Variants in BRWD1 observed in about 807,000 individuals in gnomAD.
The protein encoded by BRWD1 is bromodomain and WD repeat-containing protein 1.
In BRWD1, 82 loss-of-function variants were observed where a neutral mutation model predicts 251.2. That is an observed-to-expected ratio of 0.33 (90% CI 0.27 to 0.39). The LOEUF (loss-of-function observed/expected upper bound fraction) is 0.39. Among genes scored for constraint, BRWD1 ranks in the 10% least tolerant of loss-of-function variants. The probability of loss-of-function intolerance (pLI) is 1.00; values close to 1 mark genes in which losing one functional copy is unlikely to be tolerated. For missense variants in BRWD1, 2,233 were observed against 2,711.6 expected, an observed-to-expected ratio of 0.82 and a Z score of 3.92; for synonymous variants, 918 against 902.8, an observed-to-expected ratio of 1.02 and a Z score of -0.30.
In BRWD1 at chr21:39,189,950, A is replaced by G. The variant is rs886841264; in HGVS notation, c.*6309T>C. 5 of 985,254 alleles carry G rather than the reference A, an allele frequency of 5.1e-6. No individual in the cohort carries two copies. In the Admixed American group the frequency reaches 3.1e-4, roughly 61 times the overall value. 61.0% of individuals were successfully genotyped at this position (985,254 alleles called of 1,614,324 possible). A position where few individuals can be genotyped will look rare whatever the true frequency, so the allele number is the denominator to read the frequency against. Reference sequence around the variant, plus strand: ...GCCTCAGATGAGTCTTGTTTCAGTCATGGGTTTACAAAGTCATTGAGTGCT... The same window carrying G: ...GCCTCAGATGAGTCTTGTTTCAGTCGTGGGTTTACAAAGTCATTGAGTGCT... On this transcript the variant is annotated 3_prime_UTR_variant, in exon 41 of 41. Coordinates refer to ENST00000342449, the MANE Select transcript of BRWD1 (RefSeq NM_033656.4).
intron 21 of BRWD1, among the ~76,000 whole-genome samples, chr21:39,244,292 C>T (rs191290936): frequency 4.6e-5 from 7 of 152,094 alleles, no homozygotes; most frequent in African/African-American, 1.4e-4. Context: ...TCTTGATCTC[C>T]TGCCCTTGTG....
intron 37 of BRWD1, among the ~76,000 whole-genome samples, chr21:39,204,857 C>A (rs1449268551): frequency 6.6e-6 from 1 of 152,174 alleles, no homozygotes; most frequent in Non-Finnish European, 1.5e-5. Flanking sequence ...CCCCACGGAT[C>A]TGACAGCAGA....
chr21:39,266,940 T>C (rs1221298686), intron 15 of BRWD1, among the ~76,000 whole-genome samples: 1 of 152,212 alleles, frequency 6.6e-6, no homozygotes, highest in African/African-American at 2.4e-5. Flanking sequence ...GTTTTTCCGC[T>C]TATATTCTGC....
At chr21:39,228,298 C>T (rs1231576714) in intron 27 of BRWD1, among the ~76,000 whole-genome samples, 6 of 151,978 alleles carry the variant, frequency 3.9e-5, no homozygotes, top group African/African-American at 1.2e-4. Flanking sequence ...CCATGCCCAC[C>T]GTCCCCCGGC....
chr21:39,212,427 G>T lies in BRWD1; in HGVS notation c.3900+239C>A, dbSNP rs534748926. Reference sequence around the variant, plus strand: ...CATGCCATATTTCTCTACTTTTTTTGTCTTTCCTGTGGTAGCCTCTATTTT... The same window carrying T: ...CATGCCATATTTCTCTACTTTTTTTTTCTTTCCTGTGGTAGCCTCTATTTT... On this transcript the variant is annotated intron_variant, in intron 34 of 40. Transcript: ENST00000342449. Among the ~76,000 whole-genome samples the T allele has an allele frequency of 2.0e-5, 3 of 151,872 alleles. No homozygotes were observed. In the South Asian group the frequency reaches 6.3e-4, roughly 32 times the overall value.
Position 39,247,815 on chromosome 21 carries a change from C to G in BRWD1, c.2367G>C (p.Leu789Phe). 6.2e-7 allele frequency: 1 copy of G among 1,602,600 alleles called. No individual in the cohort carries two copies. The change falls in exon 21 of 41, where the codon TTG (leucine) becomes TTC (phenylalanine). Residue 789 changes from leucine to phenylalanine, a missense_variant. Around this residue, in one of 12 missense-constraint regions of BRWD1, gnomAD observed 214 missense variants for 222.0 expected, o/e 0.96. Transcript: ENST00000342449. The part of the protein sequence containing the change: ...QLSHKSDSVV[L>F]VSQSRQRTCR... The stretch of plus-strand genomic sequence containing the variant: ...ATGTCCTTTGTCTAGACTGTGATAC[C>G]AAAACCACTGAATCCGACTGAAACA...
chr21:39,283,831 T>C (rs1399647986), intron 8 of BRWD1, among the ~76,000 whole-genome samples: 1 of 152,214 alleles, frequency 6.6e-6, no homozygotes, highest in Non-Finnish European at 1.5e-5. Context: ...GACTATAATA[T>C]GTATTTCTGG....
chr21:39,285,175 G>C (rs777262766), intron 8 of BRWD1, among the ~76,000 whole-genome samples: 2 of 152,142 alleles, frequency 1.3e-5, no homozygotes, highest in Admixed American at 1.3e-4. Context: ...CGTCGTTTGT[G>C]GTAATATGGA....
intron 5 of BRWD1, chr21:39,296,655 G>T: frequency 1.1e-6 from 1 of 906,654 alleles, no homozygotes; most frequent in Non-Finnish European, 1.3e-6. Flanking sequence ...TGTGAGGTAG[G>T]TATTTTTGCC....
chr21:39,199,445 A>T lies in BRWD1; in HGVS notation c.4971T>A (p.Ser1657=). 3 of 1,614,224 alleles carry T rather than the reference A, an allele frequency of 1.9e-6. No homozygotes were observed. Among genetic ancestry groups the T allele is most frequent in the South Asian group, 1.1e-5 (1 of 91,088 alleles). ...CATTGCGGTGAGGCAGCTTCCGACC[A>T]GAACAGACACTTTCAGAGCTAGAAT... ...EENSSSESVC[S]GRKLPHRNAS... is the part of the protein sequence containing the mutation. The change falls in exon 40 of 41, where the codon TCT becomes TCA. Residue 1657 remains serine, a synonymous_variant. Coordinates refer to ENST00000342449, the MANE Select transcript of BRWD1 (RefSeq NM_033656.4).
At chr21:39,282,351 T>C (rs1380162730) in intron 8 of BRWD1, among the ~76,000 whole-genome samples, 2 of 152,142 alleles carry the variant, frequency 1.3e-5, no homozygotes, top group South Asian at 2.1e-4. Flanking sequence ...GAAGAAATTA[T>C]GGATTTTTTT....
intron 36 of BRWD1, among the ~76,000 whole-genome samples, chr21:39,208,438 T>C (rs938034180): frequency 1.3e-5 from 2 of 152,226 alleles, no homozygotes; most frequent in Non-Finnish European, 2.9e-5. Flanking sequence ...AGTCTAATAT[T>C]AAGTAATGAC....
intron 21 of BRWD1, among the ~76,000 whole-genome samples, chr21:39,245,009 T>C (rs979178505): frequency 4.1e-5 from 6 of 147,192 alleles, no homozygotes; most frequent in Admixed American, 3.5e-4. Flanking sequence ...AATAATTATT[T>C]CCTATTATAT....
intron 8 of BRWD1, among the ~76,000 whole-genome samples, chr21:39,286,672 G>A (rs1601464713): frequency 6.6e-6 from 1 of 151,984 alleles, no homozygotes; most frequent in South Asian, 2.1e-4. Flanking sequence ...CCGCCACCAT[G>A]CCCGGCTAAT....
chr21:39,258,467 C>T lies in BRWD1; in HGVS notation c.2071+20G>A, dbSNP rs757744704. On this transcript the variant is annotated intron_variant, in intron 18 of 40. Transcript: ENST00000342449. ...TCAATGCAGCCATATTCAGGTAAAA[C>T]ATTTATCACTATTTATTACCTCTCC... The T allele has an allele frequency of 1.2e-5, 19 of 1,544,792 alleles. No individual in the cohort carries two copies. The highest frequency in any genetic ancestry group is 8.7e-5 in the South Asian group (7 of 80,190).
At chr21:39,256,302 T>C (rs2034560795) in intron 18 of BRWD1, among the ~76,000 whole-genome samples, 1 of 152,210 alleles carries the variant, frequency 6.6e-6, no homozygotes, top group Non-Finnish European at 1.5e-5. Context: ...AAAGTCTTTT[T>C]GAAAAATTTG....
rs2031312470 is a variant in BRWD1, at chr21:39,187,562, T to C, written c.*8697A>G. The C allele has an allele frequency of 7.2e-7, 1 of 1,393,000 alleles. No homozygotes were observed. The allele number at this position is 1,393,000 out of a possible 1,614,324, so 86.3% of individuals were successfully genotyped here. A position where few individuals can be genotyped will look rare whatever the true frequency, so the allele number is the denominator to read the frequency against. ...AATGATAAATTTTAAAATGTGATAC[T>C]AAGGGCTTCTTCACATTGATATAAC... is the stretch of plus-strand genomic sequence containing the variant. On this transcript the variant is annotated 3_prime_UTR_variant, in exon 41 of 41. Transcript: ENST00000342449.
At chr21:39,244,921 A>AATAAATATATATATATAT (rs1330847340) in intron 21 of BRWD1, among the ~76,000 whole-genome samples, 2 of 112,522 alleles carry the variant, frequency 1.8e-5, no homozygotes, top group Admixed American at 1.0e-4. Flanking sequence ...CTTTGGAAGA[A>AATAAATATATATATATAT]ATATATATAT....
In BRWD1 at chr21:39,196,337, T is replaced by A; in HGVS notation, c.6732A>T (p.Arg2244Ser). Residue 2244 changes from arginine to serine, a missense_variant, in exon 41 of 41, where the codon AGA becomes AGT. Around this residue, in one of 12 missense-constraint regions of BRWD1, gnomAD observed 928 missense variants for 970.0 expected, o/e 0.96. Coordinates refer to ENST00000342449, the MANE Select transcript of BRWD1 (RefSeq NM_033656.4). ...RSKIKTRNQG[R>S]RTVRYHDGDD... is the part of the protein sequence containing the mutation. ...CCCCATCATGGTATCTCACAGTCCT[T>A]CTACCCTGATTTCTCGTTTTTATTT... The A allele has an allele frequency of 6.2e-7, 1 of 1,613,564 alleles. No homozygotes were observed. The highest frequency in any genetic ancestry group is 8.5e-7 in the Non-Finnish European group (1 of 1,179,632).
Sources: allele counts gnomAD v4.1 joint callset (sites outside exome capture counted in the v4.1 genomes callset), GRCh38; gene constraint gnomAD v4.1.1; regional missense constraint gnomAD v4.1.1; transcripts MANE v1.5; gene names NCBI Gene and HGNC (gene_info 2026-07-23, HGNC 2026-07-21).